Variants in SP140L observed in about 807,000 individuals in gnomAD.
The protein encoded by SP140L is SP140 like nuclear body protein, also known as nuclear body protein SP140-like protein.
In SP140L, 64 loss-of-function variants were observed where a neutral mutation model predicts 84.3. That is an observed-to-expected ratio of 0.76 (90% CI 0.62 to 0.94). The LOEUF (loss-of-function observed/expected upper bound fraction) is 0.94, where lower values mean the gene tolerates loss of function less well. Among genes scored for constraint, SP140L ranks in the 40% least tolerant of loss-of-function variants. SP140L has a pLI of 0.00. For synonymous variants in SP140L, 242 were observed against 236.9 expected, an observed-to-expected ratio of 1.02 and a Z score of -0.20; for missense variants, 628 against 692.5, an observed-to-expected ratio of 0.91 and a Z score of 1.05.
At chr2:230,336,165 T>C (rs146820416) in intron 2 of SP140L, among the ~76,000 whole-genome samples, 14 of 152,304 alleles carry the variant, frequency 9.2e-5, no homozygotes, top group African/African-American at 3.1e-4. Flanking sequence ...ATCAGATGCA[T>C]GATGGGATTG....
intron 2 of SP140L, among the ~76,000 whole-genome samples, chr2:230,354,428 G>A (rs4973313): frequency 0.99 from 151,407 of 152,270 alleles, 75,276 homozygotes; most frequent in Middle Eastern, 1. Context: ...TGGTAGATGC[G>A]TTTGATAAAA....
chr2:230,336,864 G>A (rs564695313), intron 2 of SP140L, among the ~76,000 whole-genome samples: 7 of 152,222 alleles, frequency 4.6e-5, no homozygotes, highest in Middle Eastern at 3.4e-3. Flanking sequence ...AAAAACTTCT[G>A]TGCTGTTTGT....
At position 230,396,847 on chromosome 2, in the gene SP140L, T is replaced by C; in HGVS notation, c.1197+49T>C. 2.5e-6 allele frequency: 4 copies of C among 1,604,822 alleles called. 1 individual carries two copies. The South Asian group carries it at 4.4e-5, about 18-fold the overall frequency. Reference sequence around the variant, plus strand: ...ACCCCCAGAATATTCCACTTCTTTCTCCAGGCATATGTTCTGTGTCATGAC... The same window carrying C: ...ACCCCCAGAATATTCCACTTCTTTCCCCAGGCATATGTTCTGTGTCATGAC... On this transcript the variant is annotated intron_variant, in intron 14 of 18. Coordinates refer to ENST00000415673, the MANE Select transcript of SP140L (RefSeq NM_138402.6).
intron 14 of SP140L, among the ~76,000 whole-genome samples, chr2:230,397,747 C>G (rs2062116799): frequency 6.6e-6 from 1 of 152,136 alleles, no homozygotes; most frequent in Non-Finnish European, 1.5e-5. Flanking sequence ...CACCTTACCT[C>G]CAAAGCAGTC....
At chr2:230,384,820 G>A (rs1321828156) in intron 8 of SP140L, among the ~76,000 whole-genome samples, 1 of 152,100 alleles carries the variant, frequency 6.6e-6, no homozygotes, top group African/African-American at 2.4e-5. Flanking sequence ...GCTGAGGCAG[G>A]AGAATCACTT....
chr2:230,398,108 C>T (rs1056684322), intron 14 of SP140L, among the ~76,000 whole-genome samples: 1 of 151,096 alleles, frequency 6.6e-6, no homozygotes, highest in African/African-American at 2.4e-5. Context: ...TTGCCTGGAT[C>T]CCACTTTAGG....
chr2:230,332,986 G>A (rs577858602), intron 2 of SP140L, among the ~76,000 whole-genome samples: 1 of 151,944 alleles, frequency 6.6e-6, no homozygotes, highest in African/African-American at 2.4e-5. Context: ...GTAGCCTCCT[G>A]ACTAAGAGTT....
chr2:230,381,915 G>A (rs2061421740), intron 7 of SP140L, among the ~76,000 whole-genome samples: 1 of 152,174 alleles, frequency 6.6e-6, no homozygotes, highest in African/African-American at 2.4e-5. Context: ...TCGAAGAAGG[G>A]AAGTGTTTAC....
intron 14 of SP140L, among the ~76,000 whole-genome samples, 173 bp downstream of exon 14, chr2:230,396,971 G>A (rs887043516): frequency 6.6e-6 from 1 of 152,118 alleles, no homozygotes; most frequent in African/African-American, 2.4e-5. Flanking sequence ...GGCCTTGGAT[G>A]TCTTGCAGTG....
At chr2:230,330,542 C>T (rs1236742135) in intron 2 of SP140L, among the ~76,000 whole-genome samples, 1 of 152,184 alleles carries the variant, frequency 6.6e-6, no homozygotes, top group Non-Finnish European at 1.5e-5. Context: ...CTCTATAGAT[C>T]AATTTGAAGA....
At chr2:230,394,568 A>G (rs2061964299) in intron 13 of SP140L, among the ~76,000 whole-genome samples, 1 of 152,150 alleles carries the variant, frequency 6.6e-6, no homozygotes, top group Admixed American at 6.5e-5. Flanking sequence ...AAGACCAGCA[A>G]CTCTACCTTT....
At chr2:230,381,223 C>T (rs1264776600) in intron 7 of SP140L, among the ~76,000 whole-genome samples, 1 of 152,112 alleles carries the variant, frequency 6.6e-6, no homozygotes, top group East Asian at 1.9e-4. Context: ...AAGCAACTCA[C>T]CTCTGGGGAT....
At chr2:230,349,970 C>T (rs193118238) in intron 2 of SP140L, among the ~76,000 whole-genome samples, 75 of 152,272 alleles carry the variant, frequency 4.9e-4, no homozygotes, top group African/African-American at 1.7e-3. Flanking sequence ...GATCAAGCCA[C>T]TGCACTCCAG....
At chr2:230,330,557 C>T (rs950654711) in intron 2 of SP140L, among the ~76,000 whole-genome samples, 5 of 152,086 alleles carry the variant, frequency 3.3e-5, no homozygotes, top group Admixed American at 1.3e-4. Flanking sequence ...TGAAGAGAGC[C>T]GACATATTTA....
chr2:230,371,571 T>C (rs1420928028), intron 6 of SP140L, 27 bp from the exon 7 acceptor site: 1 of 1,557,348 alleles, frequency 6.4e-7, no homozygotes, highest in African/African-American at 1.4e-5. Context: ...AATTTCTGTT[T>C]CCTCACTACC....
chr2:230,335,349 C>T (rs1278018679), intron 2 of SP140L, among the ~76,000 whole-genome samples: 1 of 152,136 alleles, frequency 6.6e-6, no homozygotes, highest in East Asian at 1.9e-4. Flanking sequence ...GAATATTCAC[C>T]TCTGTGCCAC....
At chr2:230,372,946 C>T (rs72994305) in intron 7 of SP140L, among the ~76,000 whole-genome samples, 2 of 152,264 alleles carry the variant, frequency 1.3e-5, no homozygotes, top group Non-Finnish European at 2.9e-5. Context: ...TAAAGCAGAA[C>T]AGTCTTATTG....
At chr2:230,379,258 A>G (rs2061335581) in intron 7 of SP140L, among the ~76,000 whole-genome samples, 1 of 152,012 alleles carries the variant, frequency 6.6e-6, no homozygotes, top group Non-Finnish European at 1.5e-5. Context: ...CTTCTGTGGT[A>G]GTGTTGACCA....
At chr2:230,349,268 C>CTTA (rs2149710841) in intron 2 of SP140L, among the ~76,000 whole-genome samples, 1 of 152,318 alleles carries the variant, frequency 6.6e-6, no homozygotes, top group African/African-American at 2.4e-5. Flanking sequence ...ATATGGGTAG[C>CTTA]TTTATAATAA....
Sources: allele counts gnomAD v4.1 joint callset (sites outside exome capture counted in the v4.1 genomes callset), GRCh38; gene constraint gnomAD v4.1.1; transcripts MANE v1.5; gene names NCBI Gene and HGNC (gene_info 2026-07-23, HGNC 2026-07-21).